The following ADCY1 variants were observed in gnomAD, a reference collection of about 807,000 sequenced individuals.
ADCY1 encodes adenylate cyclase 1, also known as adenylate cyclase type 1.
ADCY1 carries 28 observed loss-of-function variants against 105.4 expected under a neutral mutation model. The observed-to-expected ratio is 0.27, with a 90% confidence interval of 0.20 to 0.36. The LOEUF (loss-of-function observed/expected upper bound fraction) is 0.36. Ranked by LOEUF, ADCY1 falls within the 10% of genes least tolerant of loss-of-function variation. ADCY1 has a pLI of 1.00. For synonymous variants in ADCY1, 655 were observed against 623.8 expected (o/e 1.05, Z -0.75); for missense variants, 977 against 1,434.2 (o/e 0.68, Z 5.15).
chr7:45,655,714 G>A (rs966610275), intron 5 of ADCY1, among the ~76,000 whole-genome samples: 2 of 152,138 alleles, frequency 1.3e-5, no homozygotes, highest in African/African-American at 2.4e-5. Context: ...TGGTCGAGGT[G>A]CCACTTGCTA....
At position 45,717,821 on chromosome 7, in the gene ADCY1, C is replaced by T. The variant is rs1269547402; in HGVS notation, c.*3826C>T. The T allele has an allele frequency of 1.3e-5, 2 of 152,610 alleles. No homozygotes were observed. The highest frequency in any genetic ancestry group is 6.5e-5 in the Admixed American group (1 of 15,282). 9.5% of individuals were successfully genotyped at this position (152,610 alleles called of 1,614,324 possible). A position where few individuals can be genotyped will look rare whatever the true frequency, so the allele number is the denominator to read the frequency against. ...GACCCAGCAACCCAAGTTGCCAGCC[C>T]GTGTTTCTCAGACTTTAAAGCCACC... On this transcript the variant is annotated 3_prime_UTR_variant, in exon 20 of 20. Transcript: ENST00000297323.
chr7:45,623,417 T>C (rs1379551570), intron 4 of ADCY1, among the ~76,000 whole-genome samples: 1 of 152,210 alleles, frequency 6.6e-6, no homozygotes, highest in African/African-American at 2.4e-5. Context: ...TCCTGGGACT[T>C]AGTCACATTG....
At chr7:45,629,758 A>T (rs905132439) in intron 4 of ADCY1, among the ~76,000 whole-genome samples, 1 of 152,054 alleles carries the variant, frequency 6.6e-6, no homozygotes, top group African/African-American at 2.4e-5. Context: ...TGACCTCATG[A>T]TCCACCCGCC....
chr7:45,681,808 C>T (rs2116196309), intron 11 of ADCY1, among the ~76,000 whole-genome samples: 1 of 152,280 alleles, frequency 6.6e-6, no homozygotes, highest in African/African-American at 2.4e-5. Context: ...CAGCAGAAGG[C>T]CATTGTGGCC....
chr7:45,631,355 G>A (rs937269071), intron 4 of ADCY1, among the ~76,000 whole-genome samples: 3 of 152,270 alleles, frequency 2.0e-5, no homozygotes, highest in East Asian at 1.9e-4. Flanking sequence ...TAATGCAACC[G>A]GATTCCATTT....
At chr7:45,576,788 T>A (rs1273902736) in intron 1 of ADCY1, among the ~76,000 whole-genome samples, 2 of 152,142 alleles carry the variant, frequency 1.3e-5, no homozygotes, top group Non-Finnish European at 2.9e-5. Flanking sequence ...TCTGACCAGA[T>A]GCCAGGGCAG....
intron 2 of ADCY1, among the ~76,000 whole-genome samples, chr7:45,609,978 A>G (rs1487820016): frequency 6.6e-6 from 1 of 152,204 alleles, no homozygotes; most frequent in Non-Finnish European, 1.5e-5. Flanking sequence ...CTCTGTGGGT[A>G]CCTCAGGAGG....
intron 5 of ADCY1, among the ~76,000 whole-genome samples, chr7:45,656,142 T>C (rs1025259984): frequency 6.8e-6 from 1 of 147,850 alleles, no homozygotes; most frequent in African/African-American, 2.5e-5. Flanking sequence ...AAAAAAAAAA[T>C]AAAAATAAAA....
intron 1 of ADCY1, among the ~76,000 whole-genome samples, chr7:45,586,684 G>C (rs576106979): frequency 3.3e-5 from 5 of 152,358 alleles, no homozygotes; most frequent in African/African-American, 1.2e-4. Flanking sequence ...CTCAGCCGCT[G>C]GTGAGCACCA....
intron 17 of ADCY1, among the ~76,000 whole-genome samples, chr7:45,706,812 T>A (rs1393728465): frequency 6.6e-6 from 1 of 151,996 alleles, no homozygotes; most frequent in Non-Finnish European, 1.5e-5. Context: ...ACCTATCTGA[T>A]AAAGGACTTG....
At chr7:45,626,828 C>T (rs556909678) in intron 4 of ADCY1, among the ~76,000 whole-genome samples, 5 of 152,302 alleles carry the variant, frequency 3.3e-5, no homozygotes, top group South Asian at 2.1e-4. Flanking sequence ...GGAAGGAGGA[C>T]GGGGCCTTGC....
intron 10 of ADCY1, 142 bp downstream of exon 10, chr7:45,678,405 C>T: frequency 6.5e-6 from 5 of 775,066 alleles, no homozygotes; most frequent in Non-Finnish European, 6.5e-6. Flanking sequence ...CCAATGTGCC[C>T]AACATGGCTG....
At chr7:45,664,251 CTG>C (rs1409935975) in intron 8 of ADCY1, 3 of 1,519,764 alleles carry the variant, frequency 2.0e-6, no homozygotes. Context: ...AGCAGAGAAG[CTG>C]TGTCGGACCC....
chr7:45,671,580 G>A (rs1273419029), intron 8 of ADCY1, among the ~76,000 whole-genome samples: 1 of 152,054 alleles, frequency 6.6e-6, no homozygotes, highest in Admixed American at 6.5e-5. Flanking sequence ...CCAGCATTTG[G>A]TGTTCTCTCT....
chr7:45,650,457 A>C (rs1042340857), intron 5 of ADCY1, among the ~76,000 whole-genome samples: 1 of 152,174 alleles, frequency 6.6e-6, no homozygotes, highest in Non-Finnish European at 1.5e-5. Context: ...TTAAGGAGAC[A>C]GATGTCAGTC....
At chr7:45,662,268 T>C in intron 8 of ADCY1, 54 bp downstream of exon 8, 1 of 1,560,172 alleles carries the variant, frequency 6.4e-7, no homozygotes, top group Admixed American at 1.8e-5. Flanking sequence ...CTGATCTCTG[T>C]CCTGCCCTCC....
intron 3 of ADCY1, among the ~76,000 whole-genome samples, chr7:45,613,862 T>C (rs1297291329): frequency 6.6e-6 from 1 of 152,192 alleles, no homozygotes; most frequent in Non-Finnish European, 1.5e-5. Flanking sequence ...AGTGGGATGA[T>C]ATGTTTAAAG....
Position 45,720,840 on chromosome 7 carries a change from T to G in ADCY1, c.*6845T>G, listed in dbSNP as rs796748818. The stretch of plus-strand genomic sequence containing the variant: ...TTACAGTAACTATGCACCTTCTGTG[T>G]GCTTCACCTCACTCTCTACTTCAAA... On this transcript the variant is annotated 3_prime_UTR_variant, in exon 20 of 20. Coordinates refer to ENST00000297323, the MANE Select transcript of ADCY1 (RefSeq NM_021116.4). The G allele has an allele frequency of 1.3e-5, 2 of 152,318 alleles. No homozygotes were observed. Among genetic ancestry groups the G allele is most frequent in the African/African-American group, 4.8e-5 (2 of 41,546 alleles). 9.4% of individuals were successfully genotyped at this position (152,318 alleles called of 1,614,324 possible). A position where few individuals can be genotyped will look rare whatever the true frequency, so the allele number is the denominator to read the frequency against.
intron 3 of ADCY1, among the ~76,000 whole-genome samples, chr7:45,611,926 CCTT>C (rs1436633748): frequency 6.6e-6 from 1 of 152,160 alleles, no homozygotes; most frequent in Admixed American, 6.5e-5. Flanking sequence ...AACTCTCAGT[CCTT>C]CTTATGTTGA....
Sources: allele counts gnomAD v4.1 joint callset (sites outside exome capture counted in the v4.1 genomes callset), GRCh38; gene constraint gnomAD v4.1.1; transcripts MANE v1.5; gene names NCBI Gene and HGNC (gene_info 2026-07-23, HGNC 2026-07-21).